PACRG: variants seen among roughly 807,000 people sequenced by gnomAD.
PACRG encodes the protein parkin coregulated, also known as parkin coregulated gene protein.
PACRG carries 29 observed loss-of-function variants against 29.7 expected under a neutral mutation model. That is an observed-to-expected ratio of 0.98 (90% confidence interval 0.73 to 1.33). The LOEUF (loss-of-function observed/expected upper bound fraction) is 1.33, where lower values mean the gene tolerates loss of function less well. Ranked by LOEUF, PACRG falls within the 40% of genes most tolerant of loss-of-function variation. The pLI is 0.00. For missense variants in PACRG, 279 were observed against 316.2 expected (o/e 0.88, Z 0.89); for synonymous variants, 116 against 118.7 (o/e 0.98, Z 0.15).
intron 4 of PACRG, among the ~76,000 whole-genome samples, chr6:163,253,256 C>T (rs1240403572): frequency 1.4e-5 from 2 of 143,826 alleles, no homozygotes; most frequent in East Asian, 2.0e-4. Flanking sequence ...GGGGAGATCG[C>T]ACCACTGCAC....
At chr6:163,197,453 T>TTCTTTTC (rs1562959318) in intron 4 of PACRG, among the ~76,000 whole-genome samples, 3 of 141,826 alleles carry the variant, frequency 2.1e-5, no homozygotes, top group African/African-American at 8.1e-5. Context: ...TTTTTTTTTT[T>TTCTTTTC]TTTTTTGTGA....
chr6:163,231,798 G>A (rs761277909), intron 4 of PACRG, among the ~76,000 whole-genome samples: 26 of 152,132 alleles, frequency 1.7e-4, no homozygotes, highest in Non-Finnish European at 3.8e-4. Flanking sequence ...CCTCTCTGAG[G>A]TGGGACCATA....
chr6:162,921,129 T>C (rs1454030580), intron 2 of PACRG, among the ~76,000 whole-genome samples: 1 of 152,210 alleles, frequency 6.6e-6, no homozygotes. Context: ...CAAACTCTTG[T>C]TACAAAATAT....
At chr6:163,069,600 A>G (rs941795924) in intron 3 of PACRG, among the ~76,000 whole-genome samples, 3 of 151,340 alleles carry the variant, frequency 2.0e-5, no homozygotes, top group African/African-American at 7.3e-5. Flanking sequence ...ATTGGAAAAC[A>G]CACACTCAGG....
At chr6:162,945,616 C>T (rs913319718) in intron 2 of PACRG, among the ~76,000 whole-genome samples, 3 of 152,028 alleles carry the variant, frequency 2.0e-5, no homozygotes, top group Non-Finnish European at 4.4e-5. Context: ...AACAGAGAAA[C>T]ATTGAATTTA....
At chr6:163,245,673 C>T (rs1282554613) in intron 4 of PACRG, among the ~76,000 whole-genome samples, 2 of 152,044 alleles carry the variant, frequency 1.3e-5, no homozygotes, top group Non-Finnish European at 2.9e-5. Flanking sequence ...CATTTGACAC[C>T]CCTCTCCCCA....
At chr6:162,955,430 G>C (rs1411528666) in intron 2 of PACRG, among the ~76,000 whole-genome samples, 1 of 152,056 alleles carries the variant, frequency 6.6e-6, no homozygotes, top group Non-Finnish European at 1.5e-5. Context: ...CTCCCGAGTA[G>C]CTGGGATTAC....
intron 4 of PACRG, among the ~76,000 whole-genome samples, chr6:163,284,008 G>A (rs185890522): frequency 1.1e-4 from 16 of 152,098 alleles, no homozygotes; most frequent in Non-Finnish European, 2.2e-4. Context: ...AGCTACTTGG[G>A]AGACTGAGGC....
At chr6:162,757,821 A>T (rs1437005733) in intron 1 of PACRG, among the ~76,000 whole-genome samples, 2 of 152,210 alleles carry the variant, frequency 1.3e-5, no homozygotes, top group Admixed American at 1.3e-4. Context: ...TATCAATAAT[A>T]AAAAGACCAA....
At chr6:162,862,797 G>T (rs764359499) in intron 2 of PACRG, among the ~76,000 whole-genome samples, 2 of 152,168 alleles carry the variant, frequency 1.3e-5, no homozygotes, top group African/African-American at 2.4e-5. Context: ...ATCCCAGGCT[G>T]CAAGGCATCT....
intron 2 of PACRG, among the ~76,000 whole-genome samples, chr6:162,986,003 C>G (rs1333060711): frequency 6.6e-6 from 1 of 151,962 alleles, no homozygotes; most frequent in Non-Finnish European, 1.5e-5. Context: ...ATGTACCTAA[C>G]CAAGGATATA....
chr6:162,740,950 A>G (rs1780546043), intron 1 of PACRG, among the ~76,000 whole-genome samples: 1 of 152,100 alleles, frequency 6.6e-6, no homozygotes, highest in Non-Finnish European at 1.5e-5. Flanking sequence ...CTTAATTGGA[A>G]GTAGTATTGA....
intron 1 of PACRG, among the ~76,000 whole-genome samples, chr6:162,766,016 T>TC (rs1782761582): frequency 1.3e-5 from 2 of 152,234 alleles, no homozygotes; most frequent in Admixed American, 1.3e-4. Flanking sequence ...ACTGGAATGA[T>TC]CAAATCAGGC....
chr6:163,264,901 G>C (rs1227207136), intron 4 of PACRG, among the ~76,000 whole-genome samples: 1 of 152,164 alleles, frequency 6.6e-6, no homozygotes, highest in Non-Finnish European at 1.5e-5. Context: ...ATAAAGGCCT[G>C]AACTACCTAG....
rs185222029 is a variant in PACRG, at chr6:163,008,148, C to A, written c.292-54002C>A. Reference sequence around the variant, plus strand: ...AATGTTATTTTATCCTTTTAGAGTCCAAGTTTTTCCATAGTTCCCCCTAAC... The same window carrying A: ...AATGTTATTTTATCCTTTTAGAGTCAAAGTTTTTCCATAGTTCCCCCTAAC... On this transcript the variant is annotated intron_variant, in intron 2 of 4. Coordinates refer to ENST00000366888, the MANE Select transcript of PACRG (RefSeq NM_001080379.2). Among the ~76,000 whole-genome samples, 36 of 152,084 alleles carry A rather than the reference C, an allele frequency of 2.4e-4. 1 individual carries two copies. Among genetic ancestry groups the A allele is most frequent in the Admixed American group, 2.3e-3 (35 of 15,272 alleles).
At chr6:162,793,912 T>C (rs1384591884) in intron 1 of PACRG, among the ~76,000 whole-genome samples, 1 of 152,190 alleles carries the variant, frequency 6.6e-6, no homozygotes, top group Non-Finnish European at 1.5e-5. Context: ...ACCTGGGTGA[T>C]GAAAGAATCT....
chr6:162,788,384 A>G (rs903042063), intron 1 of PACRG, among the ~76,000 whole-genome samples: 1 of 150,718 alleles, frequency 6.6e-6, no homozygotes, highest in South Asian at 2.2e-4. Flanking sequence ...CATTATTTGG[A>G]TATACCACAG....
At chr6:163,201,564 T>C (rs1301152769) in intron 4 of PACRG, among the ~76,000 whole-genome samples, 2 of 152,164 alleles carry the variant, frequency 1.3e-5, no homozygotes, top group Non-Finnish European at 2.9e-5. Context: ...TAACCCCTAC[T>C]CATCCACCTC....
In PACRG at chr6:162,947,362, G is replaced by GA. The variant is rs1562765827; in HGVS notation, c.292-114788_292-114787insA. Among the ~76,000 whole-genome samples the GA allele has an allele frequency of 1.0e-3, 55 of 54,896 alleles. 2 individuals carry two copies. The highest frequency in any genetic ancestry group is 3.5e-3 in the African/African-American group (48 of 13,856). 36.0% of individuals were successfully genotyped at this position (54,896 alleles called of 152,430 possible). A position where few individuals can be genotyped will look rare whatever the true frequency, so the allele number is the denominator to read the frequency against. Reference sequence around the variant, plus strand: ...TATATAATGATTACATATATATAATGTAATCATATATAATCATATATATAA... The same window carrying GA: ...TATATAATGATTACATATATATAATGATAATCATATATAATCATATATATAA... On this transcript the variant is annotated intron_variant, in intron 2 of 4. Transcript: ENST00000366888.
Sources: allele counts gnomAD v4.1 joint callset (sites outside exome capture counted in the v4.1 genomes callset), GRCh38; gene constraint gnomAD v4.1.1; transcripts MANE v1.5; gene names NCBI Gene and HGNC (gene_info 2026-07-23, HGNC 2026-07-21).